Variants in PLCH2 observed in about 807,000 individuals in gnomAD.
PLCH2 encodes phospholipase C eta 2.
Under a neutral mutation model 134.7 loss-of-function variants are expected in PLCH2, and 98 were observed. That is an observed-to-expected ratio of 0.73 (90% CI 0.62 to 0.86). The LOEUF (loss-of-function observed/expected upper bound fraction) is 0.86. Among genes scored for constraint, PLCH2 ranks in the 40% least tolerant of loss-of-function variants. The pLI, the probability that PLCH2 is intolerant of heterozygous loss-of-function variation, is 0.00. For missense variants in PLCH2, 1,994 were observed against 1,986.6 expected, an observed-to-expected ratio of 1.00 and a Z score of -0.07; for synonymous variants, 974 against 827.5, an observed-to-expected ratio of 1.18 and a Z score of -3.04.
chr1:2,501,485 T>C (rs981212318), intron 20 of PLCH2: 1 of 151,888 alleles, frequency 6.6e-6, no homozygotes, highest in African/African-American at 2.4e-5. Flanking sequence ...GGGGCTCACA[T>C]GAGTGGAGGG....
intron 2 of PLCH2, chr1:2,479,342 C>T: frequency 5.5e-6 from 1 of 180,654 alleles, no homozygotes; most frequent in Non-Finnish European, 1.2e-5. Flanking sequence ...GCTGGGGGTC[C>T]CTGGAGCCGC....
chr1:2,435,101 T>C (rs1236389787), intron 2 of PLCH2, among the ~76,000 whole-genome samples: 2 of 152,138 alleles, frequency 1.3e-5, no homozygotes, highest in Non-Finnish European at 2.9e-5. Context: ...ACCTGGATGG[T>C]CCTGCCTGGG....
At chr1:2,467,197 G>A (rs1207449928), upstream of PLCH2, among the ~76,000 whole-genome samples, 1 of 152,124 alleles carries the variant, frequency 6.6e-6, no homozygotes, top group African/African-American at 2.4e-5. Flanking sequence ...GAGGGAGGGA[G>A]GGAGGACAGG....
rs367939297 is a variant in PLCH2 at position 2,505,123 on chromosome 1, C to G, written c.4161C>G (p.His1387Gln). ...GTPEGACSVG[H>Q]EGSVDAPAPS... is the part of the protein sequence containing the mutation. ...CCGAGGGCGCCTGCTCCGTGGGCCA[C>G]GAGGGCAGTGTGGATGCACCAGCAC... is the stretch of plus-strand genomic sequence containing the variant. Residue 1387 changes from histidine to glutamine, a missense_variant, in exon 22 of 22, where the codon CAC becomes CAG. Physicochemically the swap from His to Gln is conservative, Grantham distance 24. This residue lies in a region of PLCH2 where 900 missense variants were observed against 752.3 expected (regional missense o/e 1.20). Transcript: ENST00000378486. The G allele has an allele frequency of 1.3e-6, 2 of 1,549,922 alleles. No homozygotes were observed. Among genetic ancestry groups the G allele is most frequent in the Non-Finnish European group, 1.7e-6 (2 of 1,156,830 alleles).
At chr1:2,477,902 C>T (rs1641723234) in intron 1 of PLCH2, among the ~76,000 whole-genome samples, 1 of 152,230 alleles carries the variant, frequency 6.6e-6, no homozygotes, top group Non-Finnish European at 1.5e-5. Context: ...AATTCGACCG[C>T]TCCCAGGAGC....
At chr1:2,494,506 G>A (rs1205394296) in intron 11 of PLCH2, 7 of 391,260 alleles carry the variant, frequency 1.8e-5, no homozygotes, top group African/African-American at 6.2e-5. Context: ...CACAAACGCA[G>A]TTATTACGTA....
chr1:2,433,498 G>A (rs1639170009), intron 2 of PLCH2, among the ~76,000 whole-genome samples: 1 of 152,154 alleles, frequency 6.6e-6, no homozygotes, highest in African/African-American at 2.4e-5. Context: ...TTCTCACTGA[G>A]CTGGAGCTGG....
chr1:2,476,806 G>A, intron 1 of PLCH2, 94 bp downstream of exon 1: 2 of 1,320,348 alleles, frequency 1.5e-6, no homozygotes, highest in Non-Finnish European at 2.0e-6. Context: ...GGGAAGCCTG[G>A]GCCTCCATCC....
At chr1:2,452,444 T>G (rs1297120124) in intron 2 of PLCH2, among the ~76,000 whole-genome samples, 2 of 152,146 alleles carry the variant, frequency 1.3e-5, no homozygotes, top group East Asian at 3.9e-4. Flanking sequence ...CTGCTCTCCC[T>G]CCTGCCCTGG....
At chr1:2,472,126 G>A (rs990229587), upstream of PLCH2, among the ~76,000 whole-genome samples, 1 of 152,240 alleles carries the variant, frequency 6.6e-6, no homozygotes, top group Non-Finnish European at 1.5e-5. Flanking sequence ...GGTCCTGCCT[G>A]TGGGGAGGGC....
chr1:2,471,319 G>A (rs1641315227), upstream of PLCH2, among the ~76,000 whole-genome samples: 1 of 152,042 alleles, frequency 6.6e-6, no homozygotes, highest in African/African-American at 2.4e-5. Flanking sequence ...TGGAGAGTGT[G>A]GAGGCCTGGG....
rs955670359 is a variant in PLCH2 at position 2,432,589 on chromosome 1, C to T, written c.115+1960C>T. On this transcript the variant is annotated intron_variant, in intron 2 of 3. Transcript: ENST00000609981. The stretch of plus-strand genomic sequence containing the variant: ...GGCCCATGGCACAGGCTGGGGTGTG[C>T]ACCCGGCCCCCACACTCAGCGCCCT... Among the ~76,000 whole-genome samples the T allele has an allele frequency of 2.0e-5, 3 of 152,184 alleles. No individual in the cohort carries two copies. The South Asian group carries it at 6.2e-4, about 31-fold the overall frequency.
chr1:2,447,804 C>A (rs1290425003), intron 2 of PLCH2, among the ~76,000 whole-genome samples: 2 of 152,168 alleles, frequency 1.3e-5, no homozygotes, highest in Non-Finnish European at 2.9e-5. Context: ...TTCCCTCAGC[C>A]CACCGGGGAC....
In PLCH2 at chr1:2,498,432, G is replaced by T. The variant is rs1490785280; in HGVS notation, c.2225-91G>T. On this transcript the variant is annotated intron_variant, in intron 16 of 21. Coordinates refer to ENST00000378486, the MANE Select transcript of PLCH2 (RefSeq NM_014638.4). The surrounding 1 kb of genome is among the most constrained non-coding windows in gnomAD (Gnocchi z 5.4). Reference sequence around the variant, plus strand: ...ACCGGCTCCAGTCTCCTATGTGGGGGCTGGGGAGGGGGCTGTTGGCAGCCA... The same window carrying T: ...ACCGGCTCCAGTCTCCTATGTGGGGTCTGGGGAGGGGGCTGTTGGCAGCCA... 7.0e-7 allele frequency: 1 copy of T among 1,429,280 alleles called. No individual in the cohort carries two copies. The highest frequency in any genetic ancestry group is 1.4e-5 in the African/African-American group (1 of 70,760). 88.5% of individuals were successfully genotyped at this position (1,429,280 alleles called of 1,614,324 possible).
In PLCH2 at chr1:2,439,713, G is replaced by A. The variant is rs974932740; in HGVS notation, c.115+9084G>A. Among the ~76,000 whole-genome samples, 1 of 152,296 alleles carries A rather than the reference G, an allele frequency of 6.6e-6. No individual in the cohort carries two copies. Among genetic ancestry groups the A allele is most frequent in the Middle Eastern group, 3.4e-3 (1 of 294 alleles). On this transcript the variant is annotated intron_variant, in intron 2 of 3. Coordinates refer to the PLCH2 transcript ENST00000609981. The surrounding 1 kb of genome is among the most constrained non-coding windows in gnomAD (Gnocchi z 4.7). Reference sequence around the variant, plus strand: ...GCCCTGAGCCATCTGTTCACCTGGGGCTGACACTGCCACCCTCGGGGGAGA... The same window carrying A: ...GCCCTGAGCCATCTGTTCACCTGGGACTGACACTGCCACCCTCGGGGGAGA...
intron 14 of PLCH2, 51 bp downstream of exon 14, chr1:2,496,755 A>C: frequency 6.2e-7 from 1 of 1,610,672 alleles, no homozygotes; most frequent in Non-Finnish European, 8.5e-7. Context: ...CCTGTCCCCC[A>C]TCCCTGCTAT....
the PLCH2 span, among the ~76,000 whole-genome samples, chr1:2,417,335 G>A: frequency 6.6e-6 from 1 of 152,174 alleles, no homozygotes; most frequent in Non-Finnish European, 1.5e-5. Flanking sequence ...GGAGGGCTCT[G>A]TCCATGTGAG....
At chr1:2,451,194 T>A (rs1246837981) in intron 2 of PLCH2, among the ~76,000 whole-genome samples, 2 of 152,046 alleles carry the variant, frequency 1.3e-5, no homozygotes, top group Non-Finnish European at 2.9e-5. Context: ...GTCAACAAGG[T>A]GCCGGGCGCT....
chr1:2,469,362 G>A (rs1641217770), intron 1 of PLCH2, among the ~76,000 whole-genome samples: 1 of 152,236 alleles, frequency 6.6e-6, no homozygotes, highest in Non-Finnish European at 1.5e-5. Context: ...CACCCTCCGT[G>A]CCTGCGTCCT....
Sources: gnomAD v4.1 joint callset for allele counts (sites outside exome capture counted in the v4.1 genomes callset) on GRCh38, gnomAD v4.1.1 for gene constraint, gnomAD v4.1.1 regional missense constraint, Gnocchi (gnomAD v3.1) non-coding constraint, MANE v1.5 for transcripts, NCBI Gene and HGNC (gene_info 2026-07-23, HGNC 2026-07-21) for gene names.